Variants in PCDHA1 observed in about 807,000 individuals in gnomAD.
The protein encoded by PCDHA1 is protocadherin alpha 1.
In PCDHA1, 42 loss-of-function variants were observed where a neutral mutation model predicts 61.3. That is an observed-to-expected ratio of 0.69 (90% CI 0.54 to 0.89). The LOEUF (loss-of-function observed/expected upper bound fraction) is 0.89. PCDHA1 is among the 40% of genes least tolerant of loss of function. The pLI is 0.00. For synonymous variants in PCDHA1, 610 were observed against 553.8 expected (o/e 1.10, Z -1.43); for missense variants, 1,256 against 1,235.3 (o/e 1.02, Z -0.25).
rs1358693370 is a variant in PCDHA1, at chr5:140,846,736, G to C, written c.2394+58052G>C. 1.3e-5 allele frequency among the ~76,000 whole-genome samples: 2 copies of C among 149,142 alleles called. 1 individual carries two copies. Among genetic ancestry groups the C allele is most frequent in the Non-Finnish European group, 3.0e-5 (2 of 66,802 alleles). On this transcript the variant is annotated intron_variant, in intron 1 of 3. Coordinates refer to ENST00000504120, the MANE Select transcript of PCDHA1 (RefSeq NM_018900.4). ...ACCAGTCTTCATTAAACATTAAATA[G>C]GACCCTTACAGATCTCTAACAGCAT...
intron 3 of PCDHA1, among the ~76,000 whole-genome samples, chr5:141,008,708 T>G (rs1197464501): frequency 1.3e-5 from 2 of 152,210 alleles, no homozygotes; most frequent in African/African-American, 4.8e-5. Flanking sequence ...GGTTTCTAGT[T>G]GCTTGAGTGT....
At chr5:140,922,181 A>G (rs2080696715) in intron 1 of PCDHA1, among the ~76,000 whole-genome samples, 1 of 152,324 alleles carries the variant, frequency 6.6e-6, no homozygotes, top group South Asian at 2.1e-4. Context: ...GCAGACAAAA[A>G]AAAAGTCTTA....
At chr5:140,835,389 G>T (rs2150234834) in intron 1 of PCDHA1, 2 of 1,613,958 alleles carry the variant, frequency 1.2e-6, no homozygotes, top group Admixed American at 1.7e-5. Context: ...TCATTGTACA[G>T]TTCTTGTGGA....
intron 3 of PCDHA1, among the ~76,000 whole-genome samples, chr5:141,005,899 A>G (rs2098245270): frequency 6.6e-6 from 1 of 151,978 alleles, no homozygotes; most frequent in East Asian, 1.9e-4. Flanking sequence ...TCAAGCAATG[A>G]TTGCACCACT....
At chr5:140,860,192 C>CATATATATATAT (rs143984774) in intron 1 of PCDHA1, 7 of 146,860 alleles carry the variant, frequency 4.8e-5, no homozygotes, top group African/African-American at 1.8e-4. Context: ...GCTCTCCTTA[C>CATATATATATAT]ATATATATCT....
chr5:141,000,385 CTCTCTCTCTCTA>C (rs1405113604), intron 3 of PCDHA1, among the ~76,000 whole-genome samples: 12 of 64,976 alleles, frequency 1.8e-4, no homozygotes, highest in Admixed American at 6.0e-4. Context: ...CTCTCTCTCT[CTCTCTCTCTCTA>C]TATATATATA....
At chr5:140,822,128 T>C in intron 1 of PCDHA1, 1 of 1,614,264 alleles carries the variant, frequency 6.2e-7, no homozygotes, top group South Asian at 1.1e-5. Flanking sequence ...GTTTTCCATG[T>C]GGAGGTGGCA....
intron 1 of PCDHA1, among the ~76,000 whole-genome samples, chr5:140,888,393 C>T (rs1554183447): frequency 1.3e-5 from 2 of 152,156 alleles, no homozygotes; most frequent in African/African-American, 4.8e-5. Context: ...CTGCTAAACA[C>T]CATCCAATTG....
At chr5:140,864,091 A>C (rs564098013) in intron 1 of PCDHA1, 4 of 152,590 alleles carry the variant, frequency 2.6e-5, no homozygotes, top group Admixed American at 2.0e-4. Context: ...TTCAGTTGAT[A>C]AGTATAATGA....
intron 1 of PCDHA1, among the ~76,000 whole-genome samples, chr5:140,889,977 C>A (rs2062447126): frequency 6.6e-6 from 1 of 152,102 alleles, no homozygotes; most frequent in African/African-American, 2.4e-5. Flanking sequence ...ATCCAGTCTC[C>A]AGTTGTCTTA....
chr5:140,922,093 C>T (rs1037802949), intron 1 of PCDHA1, among the ~76,000 whole-genome samples: 6 of 151,986 alleles, frequency 3.9e-5, no homozygotes, highest in Middle Eastern at 3.4e-3. Flanking sequence ...GTATTTCTAC[C>T]AACTATAGAT....
intron 1 of PCDHA1, among the ~76,000 whole-genome samples, chr5:140,902,432 C>T (rs566549203): frequency 1.3e-5 from 2 of 152,128 alleles, no homozygotes; most frequent in African/African-American, 4.8e-5. Flanking sequence ...AAGTGGGCAT[C>T]CTTGTCATAT....
chr5:140,830,473 T>C (rs2150186969), intron 1 of PCDHA1: 15 of 1,553,368 alleles, frequency 9.7e-6, no homozygotes, highest in Non-Finnish European at 1.3e-5. Context: ...TAAATGAAGA[T>C]CATGATGCCA....
At chr5:140,979,868 C>T (rs1554241158) in intron 2 of PCDHA1, among the ~76,000 whole-genome samples, 1 of 152,160 alleles carries the variant, frequency 6.6e-6, no homozygotes. Context: ...AATATCTGGG[C>T]AACTATCAAG....
intron 1 of PCDHA1, chr5:140,834,486 G>A: frequency 6.2e-7 from 1 of 1,614,160 alleles, no homozygotes; most frequent in Non-Finnish European, 8.5e-7. Context: ...CCACTACTCG[G>A]TCCCCGAGGA....
chr5:140,796,233 G>T (rs1554119771), intron 1 of PCDHA1: 1 of 1,614,070 alleles, frequency 6.2e-7, no homozygotes, highest in Non-Finnish European at 8.5e-7. Flanking sequence ...CCTATGAGCT[G>T]GTGGTGACCG....
intron 1 of PCDHA1, among the ~76,000 whole-genome samples, chr5:140,918,402 T>C (rs906018367): frequency 1.3e-5 from 2 of 152,212 alleles, no homozygotes; most frequent in African/African-American, 4.8e-5. Flanking sequence ...GCCTGATTTC[T>C]CTGGCCAGGA....
At chr5:140,986,938 G>A (rs1025641797) in intron 3 of PCDHA1, among the ~76,000 whole-genome samples, 1 of 152,158 alleles carries the variant, frequency 6.6e-6, no homozygotes, top group African/African-American at 2.4e-5. Flanking sequence ...TGGAGGCTGG[G>A]TGTGGTCGCT....
chr5:141,009,290 A>G (rs1372878338), intron 3 of PCDHA1, among the ~76,000 whole-genome samples: 1 of 152,118 alleles, frequency 6.6e-6, no homozygotes, highest in Non-Finnish European at 1.5e-5. Context: ...TCCCATTTCT[A>G]TAAAATTTTT....
Sources: gnomAD v4.1 joint callset for allele counts (sites outside exome capture counted in the v4.1 genomes callset) on GRCh38, gnomAD v4.1.1 for gene constraint, MANE v1.5 for transcripts, NCBI Gene and HGNC (gene_info 2026-07-23, HGNC 2026-07-21) for gene names.